BRWD1: variants seen among roughly 807,000 people sequenced by gnomAD.
The protein encoded by BRWD1 is bromodomain and WD repeat-containing protein 1.
Under a neutral mutation model 251.2 loss-of-function variants are expected in BRWD1, and 82 were observed. The observed-to-expected ratio is 0.33, with a 90% CI of 0.27 to 0.39. The LOEUF (loss-of-function observed/expected upper bound fraction) is 0.39. Ranked by LOEUF, BRWD1 falls within the 10% of genes least tolerant of loss-of-function variation. The pLI, the probability that BRWD1 is intolerant of heterozygous loss-of-function variation, is 1.00. For synonymous variants in BRWD1, 918 were observed against 902.8 expected, an observed-to-expected ratio of 1.02 and a Z score of -0.30; for missense variants, 2,233 against 2,711.6, an observed-to-expected ratio of 0.82 and a Z score of 3.92.
At chr21:39,208,797 G>A (rs2032529683) in intron 36 of BRWD1, among the ~76,000 whole-genome samples, 1 of 152,076 alleles carries the variant, frequency 6.6e-6, no homozygotes, top group Non-Finnish European at 1.5e-5. Flanking sequence ...TCGAACTCCT[G>A]ACCTCAAGTG....
intron 30 of BRWD1, 56 bp downstream of exon 30, chr21:39,218,449 C>A (rs1601304593): frequency 4.0e-6 from 6 of 1,488,286 alleles, no homozygotes; most frequent in South Asian, 1.3e-5. Context: ...TTTTTAAATA[C>A]CTTTATGAAA....
intron 20 of BRWD1, among the ~76,000 whole-genome samples, chr21:39,248,641 CAAAAAAAAAAAAAAAAAAAAA>C (rs375430016): frequency 1.6e-4 from 13 of 83,284 alleles, no homozygotes; most frequent in African/African-American, 4.6e-4. Context: ...CCCTATCTCC[CAAAAAAAAAAAAAAAAAAAAA>C]AAAAAAAAAA....
In BRWD1 at chr21:39,187,664, C is replaced by T. The variant is rs1162811549; in HGVS notation, c.*8595G>A. 88 of 985,188 alleles carry T rather than the reference C, an allele frequency of 8.9e-5. No individual in the cohort carries two copies. Among genetic ancestry groups the T allele is most frequent in the Non-Finnish European group, 1.0e-4 (86 of 829,886 alleles). The allele number at this position is 985,188 out of a possible 1,614,324, so 61.0% of individuals were successfully genotyped here. A position where few individuals can be genotyped will look rare whatever the true frequency, so the allele number is the denominator to read the frequency against. On this transcript the variant is annotated 3_prime_UTR_variant, in exon 41 of 41. Coordinates refer to ENST00000342449, the MANE Select transcript of BRWD1 (RefSeq NM_033656.4). ...ACTTGTAAGAATGGGGTGAAAAGTTCCTTCAGCATCGGCATCATAAAGCTG... is the reference window on the plus strand; with the variant it reads ...ACTTGTAAGAATGGGGTGAAAAGTTTCTTCAGCATCGGCATCATAAAGCTG...
chr21:39,195,691 T>A lies in BRWD1; in HGVS notation c.*568A>T. On this transcript the variant is annotated 3_prime_UTR_variant, in exon 41 of 41. Transcript: ENST00000342449. The stretch of plus-strand genomic sequence containing the variant: ...GGAAGAAAATTAGAAACCATTTCAA[T>A]GAAAGTGACCAGATCTGGTATAATG... 1.5e-5 allele frequency: 15 copies of A among 984,864 alleles called. No homozygotes were observed. The highest frequency in any genetic ancestry group is 1.8e-5 in the Non-Finnish European group (15 of 829,624). The allele number at this position is 984,864 out of a possible 1,614,324, so 61.0% of individuals were successfully genotyped here. A position where few individuals can be genotyped will look rare whatever the true frequency, so the allele number is the denominator to read the frequency against.
At chr21:39,278,704 A>G in intron 10 of BRWD1, 39 bp downstream of exon 10, 1 of 1,496,796 alleles carries the variant, frequency 6.7e-7, no homozygotes, top group Non-Finnish European at 9.0e-7. Flanking sequence ...AGATGTTTAA[A>G]AAAAAAAAAC....
chr21:39,218,372 A>G, intron 30 of BRWD1, 100 bp from the exon 31 acceptor site: 1 of 1,457,900 alleles, frequency 6.9e-7, no homozygotes, highest in Non-Finnish European at 9.2e-7. Flanking sequence ...ATTTAACATT[A>G]CAGGCTAAAT....
chr21:39,263,312 A>C (rs1447925766), intron 17 of BRWD1, among the ~76,000 whole-genome samples: 1 of 152,214 alleles, frequency 6.6e-6, no homozygotes, highest in Non-Finnish European at 1.5e-5. Flanking sequence ...TTTCTTTAAC[A>C]TCTGTAGAGA....
chr21:39,313,560 C>T lies in BRWD1; in HGVS notation c.-69G>A, dbSNP rs573177083. On this transcript the variant is annotated 5_prime_UTR_variant, in exon 1 of 41. Coordinates refer to ENST00000342449, the MANE Select transcript of BRWD1 (RefSeq NM_033656.4). ...GCGTGTAGGCCGCGCCGAGGCCTGA[C>T]CGGGCTGGCGTCCCCTCTTCTCAGG... 3.2e-6 allele frequency: 4 copies of T among 1,237,326 alleles called. No individual in the cohort carries two copies. The South Asian group carries it at 7.9e-5, about 24-fold the overall frequency. The allele number at this position is 1,237,326 out of a possible 1,614,324, so 76.6% of individuals were successfully genotyped here.
At chr21:39,202,574 GTATT>G in intron 37 of BRWD1, 29 bp from the exon 38 acceptor site, 1 of 1,497,448 alleles carries the variant, frequency 6.7e-7, no homozygotes. Flanking sequence ...AAAGGAAACA[GTATT>G]TAACAAAATA....
rs61488970 is a variant in BRWD1 at position 39,241,473 on chromosome 21, TAAAAAAAAAAAAAAAAAAAAA to T, written c.2482-2921_2482-2901del. On this transcript the variant is annotated intron_variant, in intron 21 of 40. Transcript: ENST00000342449. ...ACAGAGCAAGATTCCATCTCCAAAG[TAAAAAAAAAAAAAAAAAAAAA>T]AAAAAAAAAAAAAAAAAAAAAGATT... Among the ~76,000 whole-genome samples, 265 of 44,922 alleles carry T rather than the reference TAAAAAAAAAAAAAAAAAAAAA, an allele frequency of 5.9e-3. 1 individual carries two copies. The highest frequency in any genetic ancestry group is 0.018 in the East Asian group (11 of 614). 29.5% of individuals were successfully genotyped at this position (44,922 alleles called of 152,430 possible). A position where few individuals can be genotyped will look rare whatever the true frequency, so the allele number is the denominator to read the frequency against.
chr21:39,252,290 C>T (rs924597799), intron 19 of BRWD1, among the ~76,000 whole-genome samples: 4 of 151,628 alleles, frequency 2.6e-5, no homozygotes, highest in African/African-American at 7.3e-5. Flanking sequence ...GAATTTCTAC[C>T]GTTATTGGAT....
intron 19 of BRWD1, among the ~76,000 whole-genome samples, chr21:39,252,403 T>C (rs1013647390): frequency 2.0e-5 from 3 of 152,192 alleles, no homozygotes; most frequent in African/African-American, 7.2e-5. Context: ...TTTACCTTTA[T>C]GCTTTTATAT....
At chr21:39,233,681 GTCAAGCCCACTAC>G (rs769645513) in intron 23 of BRWD1, among the ~76,000 whole-genome samples, 36 of 152,334 alleles carry the variant, frequency 2.4e-4, no homozygotes, top group Middle Eastern at 3.4e-3. Context: ...AGGTTTAACT[GTCAAGCCCACTAC>G]TCAGAACAGT....
Position 39,186,961 on chromosome 21 carries a change from A to G in BRWD1, c.*9298T>C. 6.7e-7 allele frequency: 1 copy of G among 1,502,960 alleles called. No individual in the cohort carries two copies. 93.1% of individuals were successfully genotyped at this position (1,502,960 alleles called of 1,614,324 possible). A position where few individuals can be genotyped will look rare whatever the true frequency, so the allele number is the denominator to read the frequency against. On this transcript the variant is annotated 3_prime_UTR_variant, in exon 41 of 41. Coordinates refer to ENST00000342449, the MANE Select transcript of BRWD1 (RefSeq NM_033656.4). ...GAGTAATTTTAGAGCTGGGAGCAGA[A>G]TGTAACTGCCAGTTTACTTGTGTAC...
chr21:39,307,047 T>C (rs1250806026), intron 4 of BRWD1, among the ~76,000 whole-genome samples: 1 of 152,096 alleles, frequency 6.6e-6, no homozygotes, highest in East Asian at 1.9e-4. Context: ...AGAGACGGGG[T>C]TTCACCCTGT....
chr21:39,313,231 C>T lies in BRWD1; in HGVS notation c.108+10G>A, dbSNP rs1490404662. The T allele has an allele frequency of 2.0e-6, 3 of 1,534,112 alleles. No homozygotes were observed. Among genetic ancestry groups the T allele is most frequent in the South Asian group, 2.4e-5 (2 of 84,398 alleles). ...GCCAAGTCCGCAGCCGCCCGCGGGC[C>T]CGCACTCACCTGGGCCGCTCTCCGA... On this transcript the variant is annotated intron_variant, in intron 2 of 40. Transcript: ENST00000342449.
intron 38 of BRWD1, among the ~76,000 whole-genome samples, chr21:39,201,861 A>C (rs2032125690): frequency 6.6e-6 from 1 of 152,228 alleles, no homozygotes; most frequent in Non-Finnish European, 1.5e-5. Context: ...CTATTGTCAT[A>C]ATTCAGCAAA....
chr21:39,294,912 T>C (rs2146751652), intron 7 of BRWD1, among the ~76,000 whole-genome samples: 1 of 152,264 alleles, frequency 6.6e-6, no homozygotes. Flanking sequence ...TTCTCACCTC[T>C]CCTAACTTAC....
intron 4 of BRWD1, among the ~76,000 whole-genome samples, chr21:39,298,825 A>T (rs1428026898): frequency 6.6e-6 from 1 of 152,188 alleles, no homozygotes; most frequent in Non-Finnish European, 1.5e-5. Context: ...TTTTGTTCTA[A>T]AATTTATATG....
Sources: gnomAD v4.1 joint callset for allele counts (sites outside exome capture counted in the v4.1 genomes callset) on GRCh38, gnomAD v4.1.1 for gene constraint, MANE v1.5 for transcripts, NCBI Gene and HGNC (gene_info 2026-07-23, HGNC 2026-07-21) for gene names.